Variants in GALC observed in about 807,000 individuals in gnomAD.
GALC encodes the protein galactosylceramidase.
A neutral mutation model predicts 91.8 loss-of-function variants in GALC; 77 were observed. The observed-to-expected ratio is 0.84, with a 90% CI of 0.70 to 1.01. The LOEUF (loss-of-function observed/expected upper bound fraction) is 1.01. GALC is among the 50% of genes least tolerant of loss of function. The probability of loss-of-function intolerance (pLI) is 0.00; values close to 1 mark genes in which losing one functional copy is unlikely to be tolerated. For missense variants in GALC, 882 were observed against 855.9 expected (o/e 1.03, Z -0.38); for synonymous variants, 357 against 306.7 (o/e 1.16, Z -1.71).
At chr14:87,984,820 A>G (rs564482405) in intron 4 of GALC, among the ~76,000 whole-genome samples, 1 of 152,340 alleles carries the variant, frequency 6.6e-6, no homozygotes, top group African/African-American at 2.4e-5. Context: ...ACCCTTACCA[A>G]TAGAAAGAAA....
At chr14:87,945,793 T>G in intron 13 of GALC, 60 bp from the exon 14 acceptor site, 3 of 1,286,926 alleles carry the variant, frequency 2.3e-6, no homozygotes, top group Non-Finnish European at 3.4e-6. Flanking sequence ...CTCTCCTTGC[T>G]GATATTTTAT....
chr14:87,942,323 G>A (rs146062952), intron 14 of GALC, among the ~76,000 whole-genome samples: 16 of 152,094 alleles, frequency 1.1e-4, no homozygotes, highest in South Asian at 2.1e-4. Context: ...CTATAAGGAA[G>A]CAATAAAATC....
chr14:87,970,061 A>C (rs17687486), intron 7 of GALC, among the ~76,000 whole-genome samples: 17,199 of 152,190 alleles, frequency 0.11, 1,141 homozygotes, highest in Non-Finnish European at 0.16. Flanking sequence ...AACCTGAAAA[A>C]TCTGGCTACT....
At chr14:87,973,352 G>C (rs1257361412) in intron 7 of GALC, among the ~76,000 whole-genome samples, 1 of 148,706 alleles carries the variant, frequency 6.7e-6, no homozygotes, top group Non-Finnish European at 1.5e-5. Context: ...TAATGGTAGA[G>C]TGAGATTAAA....
chr14:87,973,990 C>A (rs1886396350), intron 7 of GALC, among the ~76,000 whole-genome samples: 1 of 152,070 alleles, frequency 6.6e-6, no homozygotes. Context: ...AAAAGAAACA[C>A]CTCCTTAAAT....
intron 12 of GALC, among the ~76,000 whole-genome samples, chr14:87,949,234 G>C (rs1353667240): frequency 6.6e-6 from 1 of 152,048 alleles, no homozygotes; most frequent in Non-Finnish European, 1.5e-5. Flanking sequence ...GCTATGCTTT[G>C]AAAAATGTAA....
intron 10 of GALC, chr14:87,953,992 G>C: frequency 6.2e-7 from 1 of 1,609,374 alleles, no homozygotes; most frequent in Non-Finnish European, 8.5e-7. Flanking sequence ...GTGTTTCTTG[G>C]AGATATAATT....
At chr14:87,962,604 CACACACACACACACACA>C (rs1885854634) in intron 10 of GALC, among the ~76,000 whole-genome samples, 1 of 150,788 alleles carries the variant, frequency 6.6e-6, no homozygotes, top group Admixed American at 6.6e-5. Flanking sequence ...CACACACACA[CACACACACACACACACA>C]CACCATTTTT....
intron 8 of GALC, among the ~76,000 whole-genome samples, chr14:87,967,305 G>A (rs192570541): frequency 2.0e-5 from 3 of 152,144 alleles, no homozygotes; most frequent in Non-Finnish European, 4.4e-5. Context: ...GTTAGCTCTG[G>A]ATCATAAGAC....
chr14:87,993,345 G>T (rs1382528368), upstream of GALC: 6 of 1,535,290 alleles, frequency 3.9e-6, no homozygotes, highest in East Asian at 4.9e-5. Flanking sequence ...TATCGCTCGC[G>T]TGTCTGTGGT....
chr14:87,972,022 G>A (rs1886311720), intron 7 of GALC, among the ~76,000 whole-genome samples: 1 of 152,082 alleles, frequency 6.6e-6, no homozygotes, highest in East Asian at 1.9e-4. Context: ...ATATAGCACA[G>A]GCCAAGCACA....
intron 10 of GALC, among the ~76,000 whole-genome samples, chr14:87,951,224 T>C (rs189580193): frequency 7.9e-5 from 12 of 151,930 alleles, no homozygotes; most frequent in Non-Finnish European, 1.3e-4. Context: ...GCTAAATATA[T>C]GTAACATAGT....
intron 8 of GALC, among the ~76,000 whole-genome samples, chr14:87,966,138 A>T (rs1445132163): frequency 6.6e-6 from 1 of 152,200 alleles, no homozygotes; most frequent in African/African-American, 2.4e-5. Flanking sequence ...ACCTCTCTGT[A>T]AAATGAGGAT....
intron 14 of GALC, among the ~76,000 whole-genome samples, chr14:87,944,533 C>T (rs1351331217): frequency 1.3e-5 from 2 of 151,904 alleles, no homozygotes; most frequent in Non-Finnish European, 2.9e-5. Flanking sequence ...GACAATGGGA[C>T]AAGCAGAAAT....
intron 9 of GALC, among the ~76,000 whole-genome samples, chr14:87,964,907 C>T (rs1367231722): frequency 1.3e-5 from 2 of 152,094 alleles, no homozygotes; most frequent in Admixed American, 6.6e-5. Context: ...ATCTTCAGTA[C>T]GTGCTCACTT....
At chr14:87,954,038 G>C in intron 10 of GALC, 1 of 1,609,762 alleles carries the variant, frequency 6.2e-7, no homozygotes, top group Non-Finnish European at 8.5e-7. Context: ...AGGACCAATG[G>C]GTTGGCGAGA....
intron 6 of GALC, among the ~76,000 whole-genome samples, chr14:87,980,283 T>C (rs1886682662): frequency 6.6e-6 from 1 of 151,166 alleles, no homozygotes; most frequent in Non-Finnish European, 1.5e-5. Flanking sequence ...CTCAGGAGGC[T>C]GAGGCAGAGA....
Position 87,984,390 on chromosome 14 carries a change from T to C in GALC, c.582+4A>G, listed in dbSNP as rs781677686. On this transcript the variant is annotated splice_donor_region_variant and intron_variant, in intron 5 of 16. Transcript: ENST00000261304. ...CTGAATCATATTTTAAATATATTAC[T>C]AACTCCAATATAATCAATGTCCAAA... 2.5e-6 allele frequency: 4 copies of C among 1,610,116 alleles called. No individual in the cohort carries two copies. The highest frequency in any genetic ancestry group is 3.4e-6 in the Non-Finnish European group (4 of 1,177,078).
rs934746706 is a variant in GALC, at chr14:87,963,223, T to C, written c.1161+161A>G. ...AAATCAGTGAGTTGTGTGCTATGTT[T>C]TACGACTCATGGCTAAAATTTTTTA... On this transcript the variant is annotated intron_variant, in intron 10 of 16. Coordinates refer to ENST00000261304, the MANE Select transcript of GALC (RefSeq NM_000153.4). 32 of 668,928 alleles carry C rather than the reference T, an allele frequency of 4.8e-5. 1 individual carries two copies. In the South Asian group the frequency reaches 5.4e-4, roughly 11 times the overall value. The allele number at this position is 668,928 out of a possible 1,614,324, so 41.4% of individuals were successfully genotyped here.
Sources: gnomAD v4.1 joint callset for allele counts (sites outside exome capture counted in the v4.1 genomes callset) on GRCh38, gnomAD v4.1.1 for gene constraint, MANE v1.5 for transcripts, NCBI Gene and HGNC (gene_info 2026-07-23, HGNC 2026-07-21) for gene names.